The following SPATA6 variants were observed in gnomAD, a reference collection of about 807,000 sequenced individuals.
SPATA6 encodes the protein spermatogenesis associated 6.
In SPATA6, 56 loss-of-function variants were observed where a neutral mutation model predicts 65.3. That is an observed-to-expected ratio of 0.86 (90% CI 0.69 to 1.07). The LOEUF is 1.07. SPATA6 is among the 50% of genes least tolerant of loss of function. SPATA6 has a pLI of 0.00. For synonymous variants in SPATA6, 199 were observed against 213.2 expected, an observed-to-expected ratio of 0.93 and a Z score of 0.58; for missense variants, 590 against 594.8, an observed-to-expected ratio of 0.99 and a Z score of 0.08.
intron 12 of SPATA6, among the ~76,000 whole-genome samples, chr1:48,300,095 A>G (rs1644901680): frequency 6.6e-6 from 1 of 152,220 alleles, no homozygotes; most frequent in Non-Finnish European, 1.5e-5. Flanking sequence ...AATGAAATAG[A>G]CTAAGACTGG....
intron 5 of SPATA6, among the ~76,000 whole-genome samples, chr1:48,408,566 A>G (rs932550470): frequency 2.6e-5 from 4 of 152,200 alleles, no homozygotes; most frequent in African/African-American, 9.7e-5. Flanking sequence ...AAACATTCTT[A>G]AGAAGGCTCT....
intron 1 of SPATA6, among the ~76,000 whole-genome samples, chr1:48,458,189 G>A (rs1657153458): frequency 6.6e-6 from 1 of 151,856 alleles, no homozygotes; most frequent in Non-Finnish European, 1.5e-5. Flanking sequence ...AATAGTGGAA[G>A]AATAGACAAA....
chr1:48,367,643 T>G (rs972474853), intron 9 of SPATA6, among the ~76,000 whole-genome samples: 24 of 152,194 alleles, frequency 1.6e-4, no homozygotes, highest in Non-Finnish European at 2.9e-5. Context: ...GTTTTCCATT[T>G]GCTTGGTAGA....
At chr1:48,267,772 T>TTTTTTG in the SPATA6 span, among the ~76,000 whole-genome samples, 1 of 140,898 alleles carries the variant, frequency 7.1e-6, no homozygotes, top group Admixed American at 7.2e-5. Context: ...TTTTTTTTTT[T>TTTTTTG]TTTTTGAGAT....
chr1:48,341,069 C>G (rs1276382731), intron 11 of SPATA6, among the ~76,000 whole-genome samples: 1 of 152,038 alleles, frequency 6.6e-6, no homozygotes, highest in African/African-American at 2.4e-5. Flanking sequence ...GAAAACAAAA[C>G]AAAACAAAAT....
At chr1:48,308,947 G>A (rs772248953) in intron 11 of SPATA6, among the ~76,000 whole-genome samples, 2 of 151,978 alleles carry the variant, frequency 1.3e-5, no homozygotes, top group East Asian at 1.9e-4. Context: ...ATGCAGTGGC[G>A]AAATCATAGC....
chr1:48,468,028 T>C (rs1203515496), intron 1 of SPATA6, among the ~76,000 whole-genome samples: 3 of 152,158 alleles, frequency 2.0e-5, no homozygotes, highest in African/African-American at 7.2e-5. Context: ...AATTAAAAAA[T>C]AGAACTACCA....
At chr1:48,329,435 A>T (rs6700461) in intron 11 of SPATA6, among the ~76,000 whole-genome samples, 60,961 of 152,086 alleles carry the variant, frequency 0.4, 13,787 homozygotes, top group Middle Eastern at 0.53. Flanking sequence ...GTACCAGACA[A>T]GTAAAAGCGA....
At chr1:48,292,692 G>C (rs1335870444), downstream of SPATA6, among the ~76,000 whole-genome samples, 2 of 152,272 alleles carry the variant, frequency 1.3e-5, no homozygotes, top group Admixed American at 6.5e-5. Flanking sequence ...ACAGTGGTGA[G>C]AGCTGGGTAA....
intron 3 of SPATA6, among the ~76,000 whole-genome samples, chr1:48,428,440 C>A (rs527738813): frequency 3.2e-4 from 48 of 152,092 alleles, no homozygotes; most frequent in Middle Eastern, 6.8e-3. Context: ...GCAACAAGAG[C>A]GAAACTCCGT....
intron 11 of SPATA6, among the ~76,000 whole-genome samples, chr1:48,311,554 T>C (rs1037074007): frequency 1.1e-4 from 16 of 152,012 alleles, no homozygotes; most frequent in African/African-American, 3.6e-4. Flanking sequence ...GAGAGTGAAT[T>C]AGTAATCAAA....
intron 11 of SPATA6, among the ~76,000 whole-genome samples, chr1:48,314,559 T>C (rs1365522520): frequency 4.6e-5 from 7 of 152,214 alleles, no homozygotes; most frequent in Non-Finnish European, 1.0e-4. Context: ...GCGGGAAATT[T>C]ATAGCACTAA....
At chr1:48,282,155 C>G in the SPATA6 span, among the ~76,000 whole-genome samples, 1 of 152,196 alleles carries the variant, frequency 6.6e-6, no homozygotes, top group Non-Finnish European at 1.5e-5. Context: ...AACTGGATCT[C>G]TTCCTTACAC....
chr1:48,339,604 T>C (rs560971639), intron 11 of SPATA6, among the ~76,000 whole-genome samples: 45 of 152,150 alleles, frequency 3.0e-4, no homozygotes, highest in Non-Finnish European at 4.4e-4. Flanking sequence ...ATTTTAGATC[T>C]AAAAAATATA....
At chr1:48,430,919 A>C (rs1654342577) in intron 3 of SPATA6, among the ~76,000 whole-genome samples, 1 of 152,190 alleles carries the variant, frequency 6.6e-6, no homozygotes, top group African/African-American at 2.4e-5. Context: ...ATAAGTCTCT[A>C]TCAGTAATTA....
chr1:48,282,873 C>G, the SPATA6 span, among the ~76,000 whole-genome samples: 1 of 152,130 alleles, frequency 6.6e-6, no homozygotes, highest in Non-Finnish European at 1.5e-5. Flanking sequence ...GCTATAAAGA[C>G]ACATGCACAC....
chr1:48,448,260 CAA>C (rs56675907), intron 3 of SPATA6, among the ~76,000 whole-genome samples: 57 of 119,648 alleles, frequency 4.8e-4, no homozygotes, highest in Middle Eastern at 4.6e-3. Flanking sequence ...GATCCTGTCT[CAA>C]AAAAAAAAAA....
the SPATA6 span, among the ~76,000 whole-genome samples, chr1:48,270,195 G>T: frequency 6.6e-6 from 1 of 152,028 alleles, no homozygotes; most frequent in Admixed American, 6.6e-5. Context: ...CATAACTCCG[G>T]TGCCCATGAA....
chr1:48,454,876 C>T (rs940072682), intron 1 of SPATA6, among the ~76,000 whole-genome samples: 2 of 152,184 alleles, frequency 1.3e-5, no homozygotes, highest in Non-Finnish European at 2.9e-5. Flanking sequence ...TTCATTAATA[C>T]TATCACAATT....
Sources: gnomAD v4.1 joint callset for allele counts (sites outside exome capture counted in the v4.1 genomes callset) on GRCh38, gnomAD v4.1.1 for gene constraint, MANE v1.5 for transcripts, NCBI Gene and HGNC (gene_info 2026-07-23, HGNC 2026-07-21) for gene names.